APP: variants seen among roughly 807,000 people sequenced by gnomAD.
The protein encoded by APP is amyloid beta precursor protein.
In APP, 31 loss-of-function variants were observed where a neutral mutation model predicts 101.4. The ratio of observed to expected loss-of-function variants is 0.31; its 90% confidence interval spans 0.23 to 0.41. APP has a LOEUF of 0.41. Among genes scored for constraint, APP ranks in the 10% least tolerant of loss-of-function variants. APP has a pLI of 1.00. For missense variants in APP, 839 were observed against 1,003.7 expected, an observed-to-expected ratio of 0.84 and a Z score of 2.22; for synonymous variants, 366 against 364.4, an observed-to-expected ratio of 1.00 and a Z score of -0.05.
At chr21:25,935,839 C>CA (rs67114400) in intron 13 of APP, among the ~76,000 whole-genome samples, 53,695 of 77,178 alleles carry the variant, frequency 0.7, 19,710 homozygotes, top group Non-Finnish European at 0.8. Context: ...GACTCTGTCT[C>CA]AAAAAAAAAA....
At chr21:26,166,871 T>TGAGAGAGAGTGAGAGA (rs1183041320) in intron 1 of APP, among the ~76,000 whole-genome samples, 15 of 135,202 alleles carry the variant, frequency 1.1e-4, no homozygotes, top group Non-Finnish European at 2.5e-4. Flanking sequence ...GTCACTCAAG[T>TGAGAGAGAGTGAGAGA]GAGAGAGAGA....
chr21:26,093,019 C>A (rs1480353108), intron 2 of APP, among the ~76,000 whole-genome samples: 2 of 152,260 alleles, frequency 1.3e-5, no homozygotes, highest in Non-Finnish European at 2.9e-5. Flanking sequence ...GCCACAGTAA[C>A]CTAGCTCCAA....
intron 1 of APP, among the ~76,000 whole-genome samples, chr21:26,136,144 G>C (rs416527): frequency 0.36 from 39,590 of 108,686 alleles, 8,576 homozygotes; most frequent in East Asian, 0.56. Flanking sequence ...AAAGAAAAAA[G>C]AAAAGAAAAG....
At chr21:26,060,930 G>T (rs2046243319) in intron 3 of APP, among the ~76,000 whole-genome samples, 1 of 152,156 alleles carries the variant, frequency 6.6e-6, no homozygotes, top group African/African-American at 2.4e-5. Flanking sequence ...GACTGCACGG[G>T]GCCTTAAACA....
intron 13 of APP, among the ~76,000 whole-genome samples, chr21:25,943,831 T>C (rs1291706642): frequency 6.6e-6 from 1 of 152,230 alleles, no homozygotes; most frequent in Non-Finnish European, 1.5e-5. Flanking sequence ...TCAGTGGTGA[T>C]GATAAAGTTA....
intron 15 of APP, among the ~76,000 whole-genome samples, chr21:25,898,549 C>CA (rs2038231731): frequency 6.6e-6 from 1 of 152,174 alleles, no homozygotes; most frequent in Non-Finnish European, 1.5e-5. Context: ...ACCGTGTTCC[C>CA]ACCCAGGGGC....
intron 3 of APP, among the ~76,000 whole-genome samples, chr21:26,061,253 G>A (rs950118731): frequency 5.3e-5 from 8 of 152,104 alleles, no homozygotes; most frequent in Admixed American, 2.0e-4. Context: ...GGAAAAGTCT[G>A]GACAAGACTT....
chr21:26,080,666 T>C (rs1280934017), intron 3 of APP, among the ~76,000 whole-genome samples: 6 of 150,834 alleles, frequency 4.0e-5, no homozygotes, highest in African/African-American at 1.5e-4. Context: ...AGCTACTCGG[T>C]AGGCTGAGGC....
intron 1 of APP, among the ~76,000 whole-genome samples, chr21:26,114,069 ATGT>A (rs148704024): frequency 0.038 from 5,764 of 152,248 alleles, 129 homozygotes; most frequent in Non-Finnish European, 0.06. Context: ...TCTTGGCAGC[ATGT>A]TGTTAACTGT....
At chr21:26,119,868 A>G (rs1258059485) in intron 1 of APP, among the ~76,000 whole-genome samples, 1 of 152,198 alleles carries the variant, frequency 6.6e-6, no homozygotes, top group East Asian at 1.9e-4. Flanking sequence ...CATTCACTGA[A>G]ATAAATTTGA....
intron 11 of APP, among the ~76,000 whole-genome samples, chr21:25,959,869 G>GTATTCACA (rs1343935468): frequency 1.4e-4 from 22 of 152,288 alleles, no homozygotes; most frequent in Admixed American, 1.2e-3. Flanking sequence ...AATGGTGAAT[G>GTATTCACA]TATTCACATG....
At chr21:26,125,181 T>G (rs550598721) in intron 1 of APP, among the ~76,000 whole-genome samples, 2 of 152,232 alleles carry the variant, frequency 1.3e-5, no homozygotes, top group South Asian at 4.1e-4. Flanking sequence ...GTAATAAACG[T>G]GTGAAGTCAC....
chr21:25,976,150 T>C, intron 9 of APP, 122 bp from the exon 10 acceptor site: 1 of 735,836 alleles, frequency 1.4e-6, no homozygotes, highest in South Asian at 1.6e-5. Flanking sequence ...AAAAAATTTA[T>C]TACATACCCC....
chr21:25,976,063 T>A, intron 9 of APP, 35 bp from the exon 10 acceptor site: 1 of 1,534,136 alleles, frequency 6.5e-7, no homozygotes, highest in South Asian at 1.1e-5. Context: ...TTTAAAATCA[T>A]CAGTTCATCC....
chr21:25,965,709 C>G (rs1193761418), intron 11 of APP, among the ~76,000 whole-genome samples: 1 of 152,126 alleles, frequency 6.6e-6, no homozygotes, highest in Non-Finnish European at 1.5e-5. Context: ...TACATGTTTC[C>G]AGGGTGAGGA....
chr21:25,931,665 CAG>C (rs1426514435), intron 13 of APP, among the ~76,000 whole-genome samples: 1 of 152,166 alleles, frequency 6.6e-6, no homozygotes, highest in Non-Finnish European at 1.5e-5. Context: ...CAAGGAAAAA[CAG>C]TGGGCATTTT....
chr21:26,010,222 A>AC (rs1162807199), intron 6 of APP, among the ~76,000 whole-genome samples: 4 of 152,040 alleles, frequency 2.6e-5, no homozygotes, highest in African/African-American at 9.7e-5. Flanking sequence ...ACAAAAAAAA[A>AC]AAAAAACAAA....
chr21:26,069,326 AC>A (rs1260576956), intron 3 of APP, among the ~76,000 whole-genome samples: 2 of 152,176 alleles, frequency 1.3e-5, no homozygotes, highest in African/African-American at 4.8e-5. Context: ...TAATACTCAG[AC>A]ACAGCACTCC....
At chr21:26,138,045 A>C (rs2062958175) in intron 1 of APP, among the ~76,000 whole-genome samples, 1 of 152,196 alleles carries the variant, frequency 6.6e-6, no homozygotes, top group South Asian at 2.1e-4. Flanking sequence ...TATACTCTTA[A>C]AAGGACCGTC....
Sources: allele counts gnomAD v4.1 joint callset (sites outside exome capture counted in the v4.1 genomes callset), GRCh38; gene constraint gnomAD v4.1.1; transcripts MANE v1.5; gene names NCBI Gene and HGNC (gene_info 2026-07-23, HGNC 2026-07-21).